Variants in LHFPL3 observed in about 807,000 individuals in gnomAD.
The protein encoded by LHFPL3 is LHFPL tetraspan subfamily member 3.
In LHFPL3, 5 loss-of-function variants were observed where a neutral mutation model predicts 19.3. The ratio of observed to expected loss-of-function variants is 0.26; its 90% CI spans 0.14 to 0.54. The LOEUF is 0.54. LHFPL3 is among the 20% of genes least tolerant of loss of function. The pLI, the probability that LHFPL3 is intolerant of heterozygous loss-of-function variation, is 0.94. For synonymous variants in LHFPL3, 133 were observed against 126.2 expected (o/e 1.05, Z -0.36); for missense variants, 249 against 307.4 (o/e 0.81, Z 1.42).
At chr7:104,333,539 G>T (rs2116348824) in intron 1 of LHFPL3, among the ~76,000 whole-genome samples, 1 of 152,298 alleles carries the variant, frequency 6.6e-6, no homozygotes. Context: ...TTATGGCAAG[G>T]GGTAAGGGTT....
chr7:104,404,520 A>G (rs1791377723), intron 1 of LHFPL3, among the ~76,000 whole-genome samples: 1 of 152,206 alleles, frequency 6.6e-6, no homozygotes, highest in Non-Finnish European at 1.5e-5. Flanking sequence ...TTGAGAGGTA[A>G]AGTCTGGCTT....
chr7:104,842,383 C>G (rs534677776), intron 2 of LHFPL3, among the ~76,000 whole-genome samples: 61 of 152,152 alleles, frequency 4.0e-4, no homozygotes, highest in African/African-American at 1.3e-3. Flanking sequence ...CATGGCCTGC[C>G]TGGGGAGGGG....
intron 1 of LHFPL3, among the ~76,000 whole-genome samples, chr7:104,595,183 AC>A (rs1790820937): frequency 6.6e-6 from 1 of 152,126 alleles, no homozygotes; most frequent in Non-Finnish European, 1.5e-5. Flanking sequence ...GGTTATATCT[AC>A]CTTTGGTCTT....
chr7:104,642,034 CTTT>C (rs10583452), intron 1 of LHFPL3, among the ~76,000 whole-genome samples: 70,944 of 111,626 alleles, frequency 0.64, 22,837 homozygotes, highest in East Asian at 0.77. Context: ...TATGTTATTA[CTTT>C]TTTTTTTTTT....
intron 1 of LHFPL3, among the ~76,000 whole-genome samples, chr7:104,446,407 T>C (rs1792330957): frequency 6.6e-6 from 1 of 152,176 alleles, no homozygotes; most frequent in African/African-American, 2.4e-5. Flanking sequence ...ATTTCCAAGT[T>C]GTAGTCACCA....
chr7:104,767,157 T>C (rs1196776410), intron 2 of LHFPL3, among the ~76,000 whole-genome samples: 2 of 152,246 alleles, frequency 1.3e-5, no homozygotes, highest in Admixed American at 6.5e-5. Context: ...GTAACCATTA[T>C]TTACAGACTC....
intron 2 of LHFPL3, among the ~76,000 whole-genome samples, chr7:104,893,435 A>C (rs567483464): frequency 2.6e-5 from 4 of 151,838 alleles, no homozygotes; most frequent in Admixed American, 1.3e-4. Context: ...AATCGCTTGA[A>C]CCTAGGAGGC....
At chr7:104,624,448 C>A (rs1584446657) in intron 1 of LHFPL3, among the ~76,000 whole-genome samples, 1 of 152,158 alleles carries the variant, frequency 6.6e-6, no homozygotes, top group Non-Finnish European at 1.5e-5. Context: ...CCTTAGAACT[C>A]ATTTTCCTCC....
chr7:104,365,797 A>AAAAAAAAAAAAAAAAAAG (rs1554381866), intron 1 of LHFPL3, among the ~76,000 whole-genome samples: 6 of 125,960 alleles, frequency 4.8e-5, no homozygotes, highest in South Asian at 2.4e-4. Context: ...CAAAAAAAAA[A>AAAAAAAAAAAAAAAAAAG]AAAAAAAAGA....
chr7:104,466,365 T>A (rs539819178), intron 1 of LHFPL3, among the ~76,000 whole-genome samples: 1 of 152,312 alleles, frequency 6.6e-6, no homozygotes, highest in African/African-American at 2.4e-5. Flanking sequence ...CATCATGTAT[T>A]TTTAGGCAAT....
At chr7:104,817,642 C>T (rs1790581053) in intron 2 of LHFPL3, among the ~76,000 whole-genome samples, 2 of 152,160 alleles carry the variant, frequency 1.3e-5, no homozygotes, top group South Asian at 4.1e-4. Context: ...CCCTCACATC[C>T]CTGGGAACTC....
intron 1 of LHFPL3, among the ~76,000 whole-genome samples, chr7:104,489,735 C>T (rs1793304531): frequency 6.6e-6 from 1 of 151,952 alleles, no homozygotes; most frequent in Non-Finnish European, 1.5e-5. Context: ...CAGTGAAAAC[C>T]GTACATGGAT....
rs1554413047 is a variant in LHFPL3, at chr7:104,602,025, T to TTC, written c.446-134649_446-134648insCT. 4.5e-5 allele frequency among the ~76,000 whole-genome samples: 6 copies of TTC among 134,210 alleles called. No individual in the cohort carries two copies. In the East Asian group the frequency reaches 6.6e-4, roughly 15 times the overall value. The allele number at this position is 134,210 out of a possible 152,430, so 88.0% of individuals were successfully genotyped here. On this transcript the variant is annotated intron_variant, in intron 1 of 2. Transcript: ENST00000424859. Reference sequence around the variant, plus strand: ...ATTTATTTTCTTTTTCTTTTCTTTTTTTTTTTTTTTTTTTTCTGACAGCCT... The same window carrying TTC: ...ATTTATTTTCTTTTTCTTTTCTTTTTTCTTTTTTTTTTTTTTTCTGACAGCCT...
At chr7:104,593,555 C>A (rs1431613645) in intron 1 of LHFPL3, among the ~76,000 whole-genome samples, 1 of 152,156 alleles carries the variant, frequency 6.6e-6, no homozygotes, top group East Asian at 1.9e-4. Context: ...TCTATTAGGT[C>A]TGCTTGGTGC....
chr7:104,399,662 C>G lies in LHFPL3; in HGVS notation c.445+70438C>G, dbSNP rs1470608668. 6.9e-6 allele frequency among the ~76,000 whole-genome samples: 1 copy of G among 145,670 alleles called. No homozygotes were observed. Among genetic ancestry groups the G allele is most frequent in the Non-Finnish European group, 1.5e-5 (1 of 66,510 alleles). ...TTTTTTTTTTTTTTTTTGGTAGAGACGGGGTTTCACCATATTGGCCAGGCT... is the reference window on the plus strand; with the variant it reads ...TTTTTTTTTTTTTTTTTGGTAGAGAGGGGGTTTCACCATATTGGCCAGGCT... On this transcript the variant is annotated intron_variant, in intron 1 of 2. Coordinates refer to ENST00000424859, the MANE Select transcript of LHFPL3 (RefSeq NM_199000.3). This position sits in a 1 kb window ranked among gnomAD's most constrained non-coding sequence, Gnocchi z 4.4.
At chr7:104,858,974 AT>A (rs1271233439) in intron 2 of LHFPL3, among the ~76,000 whole-genome samples, 1 of 144,110 alleles carries the variant, frequency 6.9e-6, no homozygotes, top group Non-Finnish European at 1.5e-5. Flanking sequence ...AAAAAAAAAA[AT>A]CTGTTGACAG....
chr7:104,499,441 A>T (rs893777100), intron 1 of LHFPL3, among the ~76,000 whole-genome samples: 1 of 152,228 alleles, frequency 6.6e-6, no homozygotes. Context: ...TAAGGTTGCA[A>T]TGAAGCATGA....
At chr7:104,517,304 T>A (rs975748419) in intron 1 of LHFPL3, among the ~76,000 whole-genome samples, 3 of 151,952 alleles carry the variant, frequency 2.0e-5, no homozygotes, top group African/African-American at 7.2e-5. Flanking sequence ...GTTAAATTTT[T>A]AAAAAAATTG....
At chr7:104,555,904 CCAAAA>C (rs1794755049) in intron 1 of LHFPL3, among the ~76,000 whole-genome samples, 1 of 152,178 alleles carries the variant, frequency 6.6e-6, no homozygotes, top group Non-Finnish European at 1.5e-5. Flanking sequence ...GAGAAATTGA[CCAAAA>C]CAAAGGGGCT....
Sources: gnomAD v4.1 joint callset for allele counts (sites outside exome capture counted in the v4.1 genomes callset) on GRCh38, gnomAD v4.1.1 for gene constraint, Gnocchi (gnomAD v3.1) non-coding constraint, MANE v1.5 for transcripts, NCBI Gene and HGNC (gene_info 2026-07-23, HGNC 2026-07-21) for gene names.